ARHGEF3: variants seen among roughly 807,000 people sequenced by gnomAD.
The protein encoded by ARHGEF3 is Rho guanine nucleotide exchange factor 3.
A neutral mutation model predicts 63.2 loss-of-function variants in ARHGEF3; 28 were observed. That is an observed-to-expected ratio of 0.44 (90% CI 0.33 to 0.61). The LOEUF is 0.61. ARHGEF3 is among the 20% of genes least tolerant of loss of function. The pLI, the probability that ARHGEF3 is intolerant of heterozygous loss-of-function variation, is 0.03. For synonymous variants in ARHGEF3, 266 were observed against 254.2 expected (o/e 1.05, Z -0.44); for missense variants, 533 against 659.3 (o/e 0.81, Z 2.10).
At chr3:56,883,002 A>T (rs2040819854) in intron 3 of ARHGEF3, among the ~76,000 whole-genome samples, 1 of 152,238 alleles carries the variant, frequency 6.6e-6, no homozygotes, top group African/African-American at 2.4e-5. Context: ...GATTCTGACT[A>T]ACTTGGAAGA....
chr3:57,037,318 C>T (rs761541900), intron 1 of ARHGEF3, among the ~76,000 whole-genome samples: 10 of 152,132 alleles, frequency 6.6e-5, no homozygotes, highest in South Asian at 2.1e-4. Context: ...CTGTGAACAC[C>T]TCAACCTACC....
At chr3:57,008,607 G>A (rs1702561345) in intron 2 of ARHGEF3, among the ~76,000 whole-genome samples, 1 of 152,064 alleles carries the variant, frequency 6.6e-6, no homozygotes, top group African/African-American at 2.4e-5. Context: ...CTCCCAAGTA[G>A]CTGGGATTAT....
At chr3:56,775,173 G>T in intron 1 of ARHGEF3, 1 of 1,520,996 alleles carries the variant, frequency 6.6e-7, no homozygotes. Context: ...TCAAAGTTTC[G>T]AGGGTTAAGG....
At chr3:56,939,652 T>A (rs1285031642) in intron 3 of ARHGEF3, 2 of 152,168 alleles carry the variant, frequency 1.3e-5, no homozygotes, top group Non-Finnish European at 2.9e-5. Context: ...CCAAACAGGC[T>A]GTTCTTGCTC....
Position 57,053,057 on chromosome 3 carries a change from A to G in ARHGEF3, c.-27-17881T>C, listed in dbSNP as rs548271923. Among the ~76,000 whole-genome samples the G allele has an allele frequency of 6.2e-4, 94 of 152,270 alleles. 3 individuals carry two copies. The South Asian group carries it at 0.018, about 29-fold the overall frequency. On this transcript the variant is annotated intron_variant, in intron 1 of 12. Coordinates refer to the ARHGEF3 transcript ENST00000338458. ...CCCCTCCACCCTACCCACCACCACC[A>G]TTTAATCCTCGGCTTCATGCAAAGC...
rs140628511 is a variant in ARHGEF3 at position 56,839,787 on chromosome 3, C to T, written c.192+42505G>A. On this transcript the variant is annotated intron_variant, in intron 4 of 12. Transcript: ENST00000338458. ...GGATGCTTTGACCCTAGAAAGCTAC[C>T]CTCCTTTAGAACCTGACAGCTCACA... Among the ~76,000 whole-genome samples the T allele has an allele frequency of 6.6e-4, 100 of 152,098 alleles. 2 individuals are homozygous for T. In the South Asian group the frequency reaches 0.019, roughly 28 times the overall value.
chr3:56,884,166 A>G (rs766943891), intron 3 of ARHGEF3, among the ~76,000 whole-genome samples: 11 of 152,150 alleles, frequency 7.2e-5, no homozygotes, highest in Non-Finnish European at 1.3e-4. Flanking sequence ...CTAAGGTGTG[A>G]GCAGAGGTGG....
At chr3:56,921,237 T>C (rs1317536823) in intron 3 of ARHGEF3, among the ~76,000 whole-genome samples, 1 of 147,944 alleles carries the variant, frequency 6.8e-6, no homozygotes, top group Non-Finnish European at 1.5e-5. Flanking sequence ...AAAAAAAAGG[T>C]TGGAAAAAAT....
chr3:56,811,303 G>A (rs2038054205), intron 4 of ARHGEF3, among the ~76,000 whole-genome samples: 1 of 150,644 alleles, frequency 6.6e-6, no homozygotes, highest in African/African-American at 2.4e-5. Flanking sequence ...AAAATTAGCT[G>A]TAGAGCAGAG....
intron 3 of ARHGEF3, among the ~76,000 whole-genome samples, chr3:56,945,252 G>C (rs1271372831): frequency 6.6e-6 from 1 of 152,138 alleles, no homozygotes; most frequent in Non-Finnish European, 1.5e-5. Context: ...TCTCACTGGG[G>C]AGTGTTGGAA....
chr3:57,052,169 C>T (rs1275921295), intron 1 of ARHGEF3, among the ~76,000 whole-genome samples: 1 of 152,082 alleles, frequency 6.6e-6, no homozygotes, highest in African/African-American at 2.4e-5. Flanking sequence ...AACGGAGGCA[C>T]ACCTTGCCCA....
At chr3:56,758,625 G>C (rs1015018490) in intron 2 of ARHGEF3, among the ~76,000 whole-genome samples, 2 of 152,112 alleles carry the variant, frequency 1.3e-5, no homozygotes, top group African/African-American at 2.4e-5. Flanking sequence ...ATGATGGCTG[G>C]ACCAGCCCTA....
intron 3 of ARHGEF3, among the ~76,000 whole-genome samples, chr3:56,952,426 CAGG>C (rs774402073): frequency 9.9e-5 from 15 of 152,180 alleles, no homozygotes; most frequent in Non-Finnish European, 1.9e-4. Flanking sequence ...ATTTCAGTCT[CAGG>C]AGATCTTGGG....
intron 3 of ARHGEF3, among the ~76,000 whole-genome samples, chr3:56,950,340 G>C (rs1403387997): frequency 1.3e-5 from 2 of 152,006 alleles, no homozygotes; most frequent in Admixed American, 1.3e-4. Context: ...AGAGTGAATA[G>C]GCAACCTACA....
intron 3 of ARHGEF3, among the ~76,000 whole-genome samples, chr3:56,919,754 C>T (rs1305132110): frequency 6.6e-6 from 1 of 152,182 alleles, no homozygotes; most frequent in Non-Finnish European, 1.5e-5. Context: ...CCACGTGATC[C>T]TCACAACAGT....
chr3:56,933,800 C>T (rs1484701192), intron 3 of ARHGEF3, among the ~76,000 whole-genome samples: 1 of 152,096 alleles, frequency 6.6e-6, no homozygotes, highest in African/African-American at 2.4e-5. Context: ...CTCTGTGTCC[C>T]CACCCAAATC....
At chr3:57,036,211 G>A (rs867430719) in intron 1 of ARHGEF3, among the ~76,000 whole-genome samples, 4 of 152,258 alleles carry the variant, frequency 2.6e-5, no homozygotes, top group East Asian at 1.9e-4. Context: ...CTTCCAGTGC[G>A]AAGACTCTCA....
intron 1 of ARHGEF3, among the ~76,000 whole-genome samples, chr3:56,790,256 A>G (rs896401576): frequency 1.3e-5 from 2 of 152,238 alleles, no homozygotes; most frequent in Admixed American, 6.5e-5. Context: ...TAAAGCATTC[A>G]GAGACTAATA....
chr3:56,748,669 T>C lies in ARHGEF3; in HGVS notation c.612+2387A>G, dbSNP rs559005479. ...GGAGAGCTTATAAAGTATTTCATCATTGAAAAAACGTTGGCATAGAGATAA... is the reference window on the plus strand; with the variant it reads ...GGAGAGCTTATAAAGTATTTCATCACTGAAAAAACGTTGGCATAGAGATAA... On this transcript the variant is annotated intron_variant, in intron 6 of 9. Transcript: ENST00000296315. 5.3e-4 allele frequency among the ~76,000 whole-genome samples: 81 copies of C among 152,050 alleles called. 2 individuals carry two copies. The South Asian group carries it at 0.016, about 30-fold the overall frequency.
Sources: allele counts gnomAD v4.1 joint callset (sites outside exome capture counted in the v4.1 genomes callset), GRCh38; gene constraint gnomAD v4.1.1; transcripts MANE v1.5; gene names NCBI Gene and HGNC (gene_info 2026-07-23, HGNC 2026-07-21).